Variants in SGK1 observed in about 807,000 individuals in gnomAD.
SGK1 encodes the protein serum/glucocorticoid regulated kinase 1, also known as serine/threonine-protein kinase Sgk1.
In SGK1, 26 loss-of-function variants were observed where a neutral mutation model predicts 64.2. The observed-to-expected ratio is 0.40, with a 90% CI of 0.30 to 0.56. The LOEUF is 0.56. SGK1 is among the 20% of genes least tolerant of loss of function. The pLI, the probability that SGK1 is intolerant of heterozygous loss-of-function variation, is 0.38. For missense variants in SGK1, 519 were observed against 645.6 expected, an observed-to-expected ratio of 0.80 and a Z score of 2.12; for synonymous variants, 265 against 239.7, an observed-to-expected ratio of 1.11 and a Z score of -0.98.
intron 2 of SGK1, among the ~76,000 whole-genome samples, chr6:134,219,855 C>A (rs1426484051): frequency 6.9e-6 from 1 of 145,332 alleles, no homozygotes; most frequent in East Asian, 2.0e-4. Flanking sequence ...GTCAGGAGAT[C>A]GAGACCATCC....
At chr6:134,297,418 C>T (rs971524913) in intron 1 of SGK1, 20 of 711,578 alleles carry the variant, frequency 2.8e-5, no homozygotes, top group African/African-American at 2.3e-4. Context: ...TCGGCATCTG[C>T]GATGGCAGTC....
intron 2 of SGK1, among the ~76,000 whole-genome samples, chr6:134,229,331 A>G (rs752270131): frequency 1.8e-4 from 28 of 152,242 alleles, no homozygotes; most frequent in Non-Finnish European, 4.0e-4. Flanking sequence ...AGGTATTTGA[A>G]ATAAAAATAA....
At chr6:134,271,607 T>G (rs1048686387) in intron 1 of SGK1, among the ~76,000 whole-genome samples, 1 of 146,760 alleles carries the variant, frequency 6.8e-6, no homozygotes, top group South Asian at 2.2e-4. Flanking sequence ...TTTTCCAGTG[T>G]TTTTTTTGTT....
At chr6:134,217,844 A>G (rs1416442601) in intron 2 of SGK1, among the ~76,000 whole-genome samples, 1 of 152,206 alleles carries the variant, frequency 6.6e-6, no homozygotes, top group African/African-American at 2.4e-5. Flanking sequence ...AACTAGTCAG[A>G]TGTTCCTCCT....
chr6:134,208,763 CAT>C (rs1775834053), intron 2 of SGK1, among the ~76,000 whole-genome samples: 2 of 71,406 alleles, frequency 2.8e-5, no homozygotes, highest in Non-Finnish European at 4.6e-5. Context: ...TATATATACA[CAT>C]ATATATGTGT....
At chr6:134,282,433 C>T (rs967438017) in intron 1 of SGK1, among the ~76,000 whole-genome samples, 3 of 152,066 alleles carry the variant, frequency 2.0e-5, no homozygotes, top group African/African-American at 7.2e-5. Context: ...GGGCGGATCA[C>T]TTGAGGTCAG....
chr6:134,280,410 G>A (rs1777076033), intron 1 of SGK1, among the ~76,000 whole-genome samples: 2 of 151,938 alleles, frequency 1.3e-5, no homozygotes, highest in African/African-American at 2.4e-5. Context: ...GATGCTTTGT[G>A]GTGGTAATTT....
At chr6:134,275,216 G>T (rs1777002201) in intron 1 of SGK1, among the ~76,000 whole-genome samples, 1 of 152,062 alleles carries the variant, frequency 6.6e-6, no homozygotes, top group African/African-American at 2.4e-5. Context: ...TAAATTGATT[G>T]ATCAGTCGAT....
intron 1 of SGK1, among the ~76,000 whole-genome samples, chr6:134,269,682 A>T: frequency 6.8e-6 from 1 of 146,484 alleles, no homozygotes; most frequent in East Asian, 2.5e-4. Context: ...AGAGAGAGAG[A>T]AAGTAAGAGA....
intron 3 of SGK1, among the ~76,000 whole-genome samples, chr6:134,205,789 C>T (rs954845627): frequency 3.9e-5 from 6 of 152,154 alleles, no homozygotes; most frequent in South Asian, 4.1e-4. Context: ...CTTGTAAAAG[C>T]GTGAGGCATA....
chr6:134,193,888 C>T (rs1186072483), intron 3 of SGK1, among the ~76,000 whole-genome samples: 1 of 111,568 alleles, frequency 9.0e-6, no homozygotes, highest in African/African-American at 4.0e-5. Context: ...AACTATTTAC[C>T]CAATGATTCC....
intron 3 of SGK1, 130 bp downstream of exon 3, chr6:134,207,226 A>G (rs914852425): frequency 1.5e-6 from 1 of 649,612 alleles, no homozygotes; most frequent in Non-Finnish European, 2.7e-6. Flanking sequence ...ACTCTGTCTC[A>G]AGAAAAACAA....
intron 3 of SGK1, among the ~76,000 whole-genome samples, chr6:134,201,919 G>A (rs776239706): frequency 9.2e-5 from 14 of 152,062 alleles, no homozygotes; most frequent in Non-Finnish European, 1.8e-4. Flanking sequence ...TAGAAACCAC[G>A]GGAGAAACAA....
intron 1 of SGK1, among the ~76,000 whole-genome samples, chr6:134,287,927 T>C (rs1162766585): frequency 6.6e-6 from 1 of 152,150 alleles, no homozygotes; most frequent in African/African-American, 2.4e-5. Context: ...CAGAAATGAG[T>C]AAACATAGCT....
intron 1 of SGK1, among the ~76,000 whole-genome samples, chr6:134,286,540 C>A (rs1156725663): frequency 6.8e-6 from 1 of 147,846 alleles, no homozygotes; most frequent in African/African-American, 2.5e-5. Context: ...GATCTCGGCT[C>A]ACTGCAAGCT....
intron 2 of SGK1, among the ~76,000 whole-genome samples, chr6:134,209,579 G>A (rs889853933): frequency 2.6e-5 from 4 of 152,158 alleles, no homozygotes; most frequent in African/African-American, 9.7e-5. Flanking sequence ...CAACTACTTA[G>A]TGGATAAATT....
intron 1 of SGK1, among the ~76,000 whole-genome samples, chr6:134,301,523 TTTCTCTTTTCTTCTC>T (rs1162975476): frequency 0.014 from 1,928 of 136,892 alleles, 23 homozygotes; most frequent in Non-Finnish European, 0.021. Flanking sequence ...TCTCTTCTCT[TTTCTCTTTTCTTCTC>T]TTCTCTTCTC....
At chr6:134,241,779 C>A (rs1776451779) in intron 2 of SGK1, among the ~76,000 whole-genome samples, 1 of 152,062 alleles carries the variant, frequency 6.6e-6, no homozygotes, top group Non-Finnish European at 1.5e-5. Context: ...CGCCACCACA[C>A]CCGGCTAATT....
At chr6:134,256,549 G>A (rs1776686736) in intron 2 of SGK1, among the ~76,000 whole-genome samples, 1 of 152,154 alleles carries the variant, frequency 6.6e-6, no homozygotes, top group African/African-American at 2.4e-5. Context: ...TACTAAAGGT[G>A]CCGTGGGAGA....
Sources: gnomAD v4.1 joint callset for allele counts (sites outside exome capture counted in the v4.1 genomes callset) on GRCh38, gnomAD v4.1.1 for gene constraint, MANE v1.5 for transcripts, NCBI Gene and HGNC (gene_info 2026-07-23, HGNC 2026-07-21) for gene names.